HCN1: variants seen among roughly 807,000 people sequenced by gnomAD.
HCN1 encodes hyperpolarization activated cyclic nucleotide gated potassium channel 1.
In HCN1, 13 loss-of-function variants were observed where a neutral mutation model predicts 78.9. The observed-to-expected ratio is 0.16, with a 90% confidence interval of 0.11 to 0.26. HCN1 has a LOEUF of 0.26. HCN1 is among the 10% of genes least tolerant of loss of function. The probability of loss-of-function intolerance (pLI) is 1.00; values close to 1 mark genes in which losing one functional copy is unlikely to be tolerated. For missense variants in HCN1, 810 were observed against 1,154.3 expected, an observed-to-expected ratio of 0.70 and a Z score of 4.32; for synonymous variants, 552 against 455.5, an observed-to-expected ratio of 1.21 and a Z score of -2.70.
At chr5:45,668,956 T>C (rs1043770176) in intron 1 of HCN1, among the ~76,000 whole-genome samples, 1 of 151,836 alleles carries the variant, frequency 6.6e-6, no homozygotes, top group African/African-American at 2.4e-5. Flanking sequence ...AACAGTACTA[T>C]GGCATAGTTG....
intron 2 of HCN1, among the ~76,000 whole-genome samples, chr5:45,486,716 T>A (rs1741771421): frequency 6.6e-6 from 1 of 152,204 alleles, no homozygotes; most frequent in African/African-American, 2.4e-5. Context: ...CTCATCAAAA[T>A]CTTTAAAGTA....
chr5:45,293,299 T>C (rs1745417622), intron 6 of HCN1, among the ~76,000 whole-genome samples: 1 of 151,986 alleles, frequency 6.6e-6, no homozygotes, highest in African/African-American at 2.4e-5. Context: ...TCTGACTGGT[T>C]TGAGATGTTA....
At chr5:45,610,545 CATTGAA>C (rs1744812803) in intron 2 of HCN1, among the ~76,000 whole-genome samples, 1 of 148,918 alleles carries the variant, frequency 6.7e-6, no homozygotes, top group African/African-American at 2.4e-5. Flanking sequence ...ATTTTAAATA[CATTGAA>C]ATATAAAGTA....
chr5:45,313,481 C>T (rs1178997952), intron 5 of HCN1, among the ~76,000 whole-genome samples: 1 of 152,208 alleles, frequency 6.6e-6, no homozygotes, highest in Non-Finnish European at 1.5e-5. Flanking sequence ...CAAAGGAATG[C>T]AGCTCCTCGC....
At chr5:45,610,821 T>C (rs1050824046) in intron 2 of HCN1, among the ~76,000 whole-genome samples, 3 of 151,836 alleles carry the variant, frequency 2.0e-5, no homozygotes, top group Admixed American at 1.3e-4. Context: ...ATAAAAGGCA[T>C]GTCCATAAAA....
At chr5:45,492,729 C>T (rs1230573704) in intron 2 of HCN1, among the ~76,000 whole-genome samples, 32 of 151,864 alleles carry the variant, frequency 2.1e-4, no homozygotes, top group Admixed American at 1.1e-3. Context: ...CTTGAACTCC[C>T]GGCCTCAGGT....
intron 5 of HCN1, among the ~76,000 whole-genome samples, chr5:45,345,852 C>A (rs1302564599): frequency 6.6e-6 from 1 of 152,222 alleles, no homozygotes; most frequent in East Asian, 1.9e-4. Context: ...TTTCAGGTAT[C>A]TTTGAAGCAG....
At chr5:45,598,589 C>T (rs1320548270) in intron 2 of HCN1, among the ~76,000 whole-genome samples, 2 of 152,284 alleles carry the variant, frequency 1.3e-5, no homozygotes, top group East Asian at 3.9e-4. Context: ...AACTGAAGAG[C>T]TTCTGCACGG....
At chr5:45,517,603 C>G (rs1198386678) in intron 2 of HCN1, among the ~76,000 whole-genome samples, 2 of 150,314 alleles carry the variant, frequency 1.3e-5, no homozygotes, top group African/African-American at 2.4e-5. Flanking sequence ...TCCCACCCAT[C>G]CTTATAAATA....
chr5:45,452,762 G>A (rs1236951749), intron 3 of HCN1, among the ~76,000 whole-genome samples: 2 of 151,782 alleles, frequency 1.3e-5, no homozygotes, highest in Non-Finnish European at 2.9e-5. Flanking sequence ...GCTGAAATAA[G>A]TTAAAGGTTT....
intron 2 of HCN1, among the ~76,000 whole-genome samples, chr5:45,478,041 C>T (rs1029942048): frequency 1.3e-5 from 2 of 152,092 alleles, no homozygotes; most frequent in Admixed American, 6.6e-5. Flanking sequence ...ATAATCCCAG[C>T]TACTCAGGAA....
At chr5:45,270,209 G>C (rs1001705209) in intron 6 of HCN1, among the ~76,000 whole-genome samples, 1 of 152,152 alleles carries the variant, frequency 6.6e-6, no homozygotes, top group Non-Finnish European at 1.5e-5. Context: ...GACAGCAAAA[G>C]ACTTTCTTCC....
intron 1 of HCN1, among the ~76,000 whole-genome samples, chr5:45,647,897 G>A (rs1262134774): frequency 6.6e-6 from 1 of 152,150 alleles, no homozygotes; most frequent in East Asian, 1.9e-4. Context: ...AATGTATGTT[G>A]TATTCATCCA....
chr5:45,658,446 A>G (rs1276321928), intron 1 of HCN1, among the ~76,000 whole-genome samples: 1 of 152,090 alleles, frequency 6.6e-6, no homozygotes, highest in Non-Finnish European at 1.5e-5. Flanking sequence ...TCAGAGGGGG[A>G]GGAGCCAAGA....
chr5:45,547,455 G>A (rs1049128236), intron 2 of HCN1, among the ~76,000 whole-genome samples: 25 of 151,856 alleles, frequency 1.6e-4, no homozygotes, highest in African/African-American at 3.6e-4. Flanking sequence ...CGGAGTATGC[G>A]TTTAATACTA....
intron 2 of HCN1, among the ~76,000 whole-genome samples, chr5:45,474,704 C>A (rs987514773): frequency 2.0e-5 from 3 of 151,798 alleles, no homozygotes; most frequent in Non-Finnish European, 4.4e-5. Context: ...TATTTATTTT[C>A]TTTTGGTAAT....
chr5:45,382,732 A>G (rs893925884), intron 4 of HCN1, among the ~76,000 whole-genome samples: 2 of 152,164 alleles, frequency 1.3e-5, no homozygotes, highest in Non-Finnish European at 2.9e-5. Flanking sequence ...TCAAACAAGA[A>G]GAATCAACAG....
chr5:45,342,365 G>A (rs1746601326), intron 5 of HCN1, among the ~76,000 whole-genome samples: 1 of 150,202 alleles, frequency 6.7e-6, no homozygotes, highest in Non-Finnish European at 1.5e-5. Flanking sequence ...AACTAGCTGG[G>A]ATTACAGGTG....
At chr5:45,266,599 T>G (rs1326115806) in intron 7 of HCN1, among the ~76,000 whole-genome samples, 1 of 151,992 alleles carries the variant, frequency 6.6e-6, no homozygotes, top group Non-Finnish European at 1.5e-5. Context: ...AAACCCAGAA[T>G]ACTTAGAAGA....
Sources: allele counts gnomAD v4.1 joint callset (sites outside exome capture counted in the v4.1 genomes callset), GRCh38; gene constraint gnomAD v4.1.1; transcripts MANE v1.5; gene names NCBI Gene and HGNC (gene_info 2026-07-23, HGNC 2026-07-21).